The following BDNF variants were observed in gnomAD, a reference collection of about 807,000 sequenced individuals.
The protein encoded by BDNF is neurotrophic factor BDNF precursor form.
BDNF carries 1 observed loss-of-function variant against 19.5 expected under a neutral mutation model. The ratio of observed to expected loss-of-function variants is 0.05; its 90% CI spans 0.02 to 0.24. The LOEUF (loss-of-function observed/expected upper bound fraction) is 0.24. BDNF is among the 10% of genes least tolerant of loss of function. BDNF has a pLI of 1.00. For missense variants in BDNF, 195 were observed against 317.6 expected (o/e 0.61, Z 2.93); for synonymous variants, 100 against 121.6 (o/e 0.82, Z 1.17).
rs974952883 is a variant in BDNF at position 27,657,060 on chromosome 11, C to T, written c.*761G>A. ...TGAGCGGGGCCTGGGAGGTGCATCA[C>T]GGGATGTGGAGTGTGAGCATTTTTT... is the stretch of plus-strand genomic sequence containing the variant. On this transcript the variant is annotated 3_prime_UTR_variant, in exon 2 of 2. Transcript: ENST00000356660. The surrounding 1 kb of genome is among the most constrained non-coding windows in gnomAD (Gnocchi z 5.0). 2.0e-6 allele frequency: 2 copies of T among 985,516 alleles called. No individual in the cohort carries two copies. Among genetic ancestry groups the T allele is most frequent in the Non-Finnish European group, 2.4e-6 (2 of 830,010 alleles). 61.0% of individuals were successfully genotyped at this position (985,516 alleles called of 1,614,324 possible).
At chr11:27,718,402 C>T (rs10835215) in intron 1 of BDNF, among the ~76,000 whole-genome samples, 69,515 of 138,480 alleles carry the variant, frequency 0.5, 17,320 homozygotes, top group Admixed American at 0.59. Flanking sequence ...CCCAGTTCTG[C>T]GTTCAGCCCT....
Position 27,666,787 on chromosome 11 carries a change from A to T in BDNF, c.-21-8202T>A, listed in dbSNP as rs970299446. Among the ~76,000 whole-genome samples the T allele has an allele frequency of 1.3e-5, 2 of 152,196 alleles. 1 individual carries two copies. Among genetic ancestry groups the T allele is most frequent in the Non-Finnish European group, 2.9e-5 (2 of 68,028 alleles). On this transcript the variant is annotated intron_variant, in intron 1 of 1. Transcript: ENST00000356660. ...GACTATGTGAAAAGACCAAATCTAC[A>T]TCTGATTGGTGTACCTGAAAGTGAT...
chr11:27,702,961 G>A (rs905449549), upstream of BDNF, among the ~76,000 whole-genome samples: 2 of 152,172 alleles, frequency 1.3e-5, no homozygotes, highest in African/African-American at 4.8e-5. Flanking sequence ...ATCATTCAGA[G>A]CGCCTTTGCA....
At chr11:27,675,266 T>C (rs1416171597) in intron 1 of BDNF, 3 of 152,270 alleles carry the variant, frequency 2.0e-5, no homozygotes, top group African/African-American at 7.2e-5. Flanking sequence ...AATATAACCC[T>C]AATGTTTCTT....
At chr11:27,663,030 G>A (rs1853717284) in intron 1 of BDNF, among the ~76,000 whole-genome samples, 1 of 152,130 alleles carries the variant, frequency 6.6e-6, no homozygotes, top group African/African-American at 2.4e-5. Context: ...TAAGAGACTT[G>A]GGAAGTAATA....
chr11:27,694,563 A>T lies in BDNF; in HGVS notation c.-22+5601T>A, dbSNP rs1465628256. 4.0e-5 allele frequency among the ~76,000 whole-genome samples: 6 copies of T among 148,502 alleles called. No individual in the cohort carries two copies. The Admixed American group carries it at 4.1e-4, about 10-fold the overall frequency. On this transcript the variant is annotated intron_variant, in intron 1 of 1. Transcript: ENST00000356660. ...TCCAAGAATTTTAAGTCAATTTGTA[A>T]TTATTGGTTCCTGGTTCCATAACTT...
chr11:27,680,956 T>G (rs1489550231), intron 1 of BDNF, among the ~76,000 whole-genome samples: 1 of 152,136 alleles, frequency 6.6e-6, no homozygotes. Flanking sequence ...GGTCCATTGC[T>G]TTGGTTCACA....
chr11:27,671,516 A>C (rs1358356448), intron 1 of BDNF, among the ~76,000 whole-genome samples: 1 of 152,180 alleles, frequency 6.6e-6, no homozygotes, highest in Non-Finnish European at 1.5e-5. Context: ...ATTTTCAAGT[A>C]TGAAATTGAT....
At chr11:27,674,293 C>T in intron 1 of BDNF, 1 of 1,554,780 alleles carries the variant, frequency 6.4e-7, no homozygotes, top group Non-Finnish European at 8.7e-7. Flanking sequence ...ATCCAGTTGT[C>T]CTTCGGGTTA....
chr11:27,674,235 A>T, intron 1 of BDNF: 2 of 1,591,350 alleles, frequency 1.3e-6, no homozygotes, highest in Non-Finnish European at 1.7e-6. Flanking sequence ...CTGAGTAGTA[A>T]CAAGGATTAA....
At chr11:27,659,045 A>C in intron 1 of BDNF, 1 of 1,066,654 alleles carries the variant, frequency 9.4e-7, no homozygotes, top group Non-Finnish European at 1.1e-6. Flanking sequence ...CAGGAACAGC[A>C]GTGGCCTGAG....
chr11:27,700,446 TC>T lies in BDNF; in HGVS notation c.-305del. ...GGCGGCAGCGTCGGGGACCCGGAGCTCCAGGCTGCGCCTTGCGCCCGGGTCA... is the reference window on the plus strand; with the variant it reads ...GGCGGCAGCGTCGGGGACCCGGAGCTCAGGCTGCGCCTTGCGCCCGGGTCA... On this transcript the variant is annotated 5_prime_UTR_variant, in exon 1 of 2. Transcript: ENST00000356660. The T allele has an allele frequency of 1.0e-6, 1 of 981,676 alleles. No homozygotes were observed. Among genetic ancestry groups the T allele is most frequent in the Non-Finnish European group, 1.2e-6 (1 of 829,100 alleles). 60.8% of individuals were successfully genotyped at this position (981,676 alleles called of 1,614,324 possible).
chr11:27,659,340 A>G (rs753566321), intron 1 of BDNF: 58 of 1,000,250 alleles, frequency 5.8e-5, no homozygotes, highest in South Asian at 9.4e-5. Context: ...GGTGGTCACA[A>G]CTGAAAATGT....
intron 1 of BDNF, among the ~76,000 whole-genome samples, chr11:27,713,036 T>C (rs1590496079): frequency 6.7e-6 from 1 of 149,830 alleles, no homozygotes; most frequent in Non-Finnish European, 1.5e-5. Context: ...GCCTCCCAAG[T>C]AGCTGAGATT....
intron 1 of BDNF, chr11:27,659,525 A>G (rs1853056198): frequency 1.0e-6 from 1 of 1,000,174 alleles, no homozygotes; most frequent in Non-Finnish European, 1.2e-6. Context: ...ACTCCACTTT[A>G]TCTCCTCCAG....
chr11:27,697,019 A>G (rs1054240499), intron 1 of BDNF, among the ~76,000 whole-genome samples: 2 of 152,084 alleles, frequency 1.3e-5, no homozygotes, highest in African/African-American at 2.4e-5. Flanking sequence ...TGACCTTTCC[A>G]TTCTGTAAAT....
chr11:27,676,558 A>G (rs1472198131), intron 1 of BDNF, among the ~76,000 whole-genome samples: 1 of 152,182 alleles, frequency 6.6e-6, no homozygotes, highest in Non-Finnish European at 1.5e-5. Context: ...AAATCATGGC[A>G]TTTTTATATG....
At chr11:27,683,790 G>C (rs1196606626) in intron 1 of BDNF, among the ~76,000 whole-genome samples, 1 of 152,184 alleles carries the variant, frequency 6.6e-6, no homozygotes, top group Non-Finnish European at 1.5e-5. Context: ...CCAGTACCAT[G>C]ATGTTTTGGT....
chr11:27,707,198 T>G (rs1860143826), intron 1 of BDNF, among the ~76,000 whole-genome samples: 1 of 152,220 alleles, frequency 6.6e-6, no homozygotes, highest in African/African-American at 2.4e-5. Context: ...ATAAAGTGAA[T>G]AAAACTAAGT....
Sources: allele counts gnomAD v4.1 joint callset (sites outside exome capture counted in the v4.1 genomes callset), GRCh38; gene constraint gnomAD v4.1.1; non-coding constraint Gnocchi (gnomAD v3.1); transcripts MANE v1.5; gene names NCBI Gene and HGNC (gene_info 2026-07-23, HGNC 2026-07-21).